PRKG1: variants seen among roughly 807,000 people sequenced by gnomAD.
PRKG1 encodes the protein protein kinase cGMP-dependent 1.
A neutral mutation model predicts 88.1 loss-of-function variants in PRKG1; 35 were observed. The observed-to-expected ratio is 0.40, with a 90% confidence interval of 0.30 to 0.53. PRKG1 has a LOEUF of 0.53. Among genes scored for constraint, PRKG1 ranks in the 20% least tolerant of loss-of-function variants. The pLI is 0.59. For missense variants in PRKG1, 540 were observed against 839.8 expected (o/e 0.64, Z 4.41); for synonymous variants, 303 against 292.5 (o/e 1.04, Z -0.37).
intron 4 of PRKG1, among the ~76,000 whole-genome samples, chr10:51,820,331 ACT>A (rs1252741863): frequency 6.6e-6 from 1 of 152,108 alleles, no homozygotes; most frequent in East Asian, 1.9e-4. Context: ...GCCACCATCT[ACT>A]TCTTTTTCTC....
In PRKG1 at chr10:51,442,017, G is replaced by A. The variant is rs1050042886; in HGVS notation, c.479-25706G>A. Among the ~76,000 whole-genome samples, 7 of 151,646 alleles carry A rather than the reference G, an allele frequency of 4.6e-5. No homozygotes were observed. The East Asian group carries it at 5.8e-4, about 13-fold the overall frequency. ...ATATTCTTCCAAGTTTAAGTTATCC[G>A]GAGTTATTTATAGCAAAAATGTGGG... On this transcript the variant is annotated intron_variant, in intron 2 of 17. Coordinates refer to ENST00000373980, the MANE Select transcript of PRKG1 (RefSeq NM_006258.4).
intron 3 of PRKG1, among the ~76,000 whole-genome samples, chr10:51,504,854 G>A (rs1288986810): frequency 6.6e-6 from 1 of 152,146 alleles, no homozygotes; most frequent in East Asian, 1.9e-4. Context: ...TTGCTTATCA[G>A]CCTAAGGAGA....
chr10:51,750,420 C>T (rs183706330), intron 3 of PRKG1, among the ~76,000 whole-genome samples: 3 of 152,202 alleles, frequency 2.0e-5, no homozygotes, highest in Non-Finnish European at 4.4e-5. Flanking sequence ...TTTGCCTTTA[C>T]GGACATGTGT....
chr10:51,830,601 G>A (rs1222697163), intron 4 of PRKG1, among the ~76,000 whole-genome samples: 3 of 136,716 alleles, frequency 2.2e-5, no homozygotes, highest in South Asian at 2.3e-4. Flanking sequence ...TCACTCTGTC[G>A]GCCAGGCTGG....
intron 2 of PRKG1, among the ~76,000 whole-genome samples, chr10:51,273,480 C>T (rs772679402): frequency 1.4e-4 from 22 of 152,166 alleles, no homozygotes; most frequent in South Asian, 2.1e-4. Context: ...GCCATGATCG[C>T]GCCACTGGGT....
rs138323833 is a variant in PRKG1 at position 52,241,478 on chromosome 10, T to C, written c.1077-10092T>C. Reference sequence around the variant, plus strand: ...GGGCTAGCTTCCTGATAATTTCTTTTGTTATACTCCTAGAGGCCATGGAGG... The same window carrying C: ...GGGCTAGCTTCCTGATAATTTCTTTCGTTATACTCCTAGAGGCCATGGAGG... On this transcript the variant is annotated intron_variant, in intron 9 of 17. Transcript: ENST00000373980. 2.6e-3 allele frequency among the ~76,000 whole-genome samples: 403 copies of C among 152,320 alleles called. 1 individual carries two copies. Among genetic ancestry groups the C allele is most frequent in the African/African-American group, 9.3e-3 (385 of 41,560 alleles).
At chr10:52,073,816 G>A (rs746716946) in intron 7 of PRKG1, among the ~76,000 whole-genome samples, 7 of 152,148 alleles carry the variant, frequency 4.6e-5, no homozygotes, top group Non-Finnish European at 1.0e-4. Context: ...ACTGTATCCT[G>A]ATTTTAGAGA....
At chr10:51,342,376 C>T (rs1019598599) in intron 2 of PRKG1, among the ~76,000 whole-genome samples, 1 of 152,056 alleles carries the variant, frequency 6.6e-6, no homozygotes, top group Non-Finnish European at 1.5e-5. Flanking sequence ...AATTTTTTTT[C>T]ACCTCCTTAT....
chr10:51,930,661 T>C (rs1842675521), intron 5 of PRKG1, among the ~76,000 whole-genome samples: 1 of 151,926 alleles, frequency 6.6e-6, no homozygotes, highest in African/African-American at 2.4e-5. Context: ...CAGCTAGTTT[T>C]TGTATTTTTA....
chr10:51,592,621 A>G (rs1287693850), intron 3 of PRKG1, among the ~76,000 whole-genome samples: 1 of 152,156 alleles, frequency 6.6e-6, no homozygotes, highest in Non-Finnish European at 1.5e-5. Flanking sequence ...GACACCATAC[A>G]TTCATAAATA....
chr10:52,186,513 T>C (rs567673572), intron 9 of PRKG1, among the ~76,000 whole-genome samples: 21 of 152,212 alleles, frequency 1.4e-4, no homozygotes, highest in Middle Eastern at 6.8e-3. Flanking sequence ...CTACCAACGC[T>C]GGGAATCACA....
At chr10:51,052,811 T>A (rs1420142696) in intron 1 of PRKG1, among the ~76,000 whole-genome samples, 1 of 152,244 alleles carries the variant, frequency 6.6e-6, no homozygotes, top group Non-Finnish European at 1.5e-5. Context: ...TTTAGCATTT[T>A]GCCTGTCATG....
intron 2 of PRKG1, among the ~76,000 whole-genome samples, chr10:51,373,153 T>C (rs1473842631): frequency 6.6e-6 from 1 of 152,204 alleles, no homozygotes; most frequent in East Asian, 1.9e-4. Context: ...AAAATAGAGA[T>C]TCTAGACTTC....
At chr10:51,174,295 G>T (rs937006720) in intron 2 of PRKG1, among the ~76,000 whole-genome samples, 1 of 151,886 alleles carries the variant, frequency 6.6e-6, no homozygotes. Flanking sequence ...ATGCCTTCCT[G>T]CAAGGGTGCT....
chr10:51,144,729 T>C (rs926426036), intron 1 of PRKG1, among the ~76,000 whole-genome samples: 6 of 152,238 alleles, frequency 3.9e-5, no homozygotes, highest in African/African-American at 1.4e-4. Flanking sequence ...CGCAAAACAA[T>C]GGTTGGAGGT....
Position 52,001,919 on chromosome 10 carries a change from C to T in PRKG1, c.763-52565C>T, listed in dbSNP as rs1489446014. Among the ~76,000 whole-genome samples, 4 of 152,008 alleles carry T rather than the reference C, an allele frequency of 2.6e-5. No homozygotes were observed. In the East Asian group the frequency reaches 7.7e-4, roughly 29 times the overall value. On this transcript the variant is annotated intron_variant, in intron 5 of 17. Transcript: ENST00000373980. ...ATCTAGAGTAAATGGTTACACAAAA[C>T]ACATGTGAAGTTGGGGCTGATTCTC... is the stretch of plus-strand genomic sequence containing the variant.
chr10:51,261,005 G>A (rs185734599), intron 2 of PRKG1, among the ~76,000 whole-genome samples: 3 of 152,252 alleles, frequency 2.0e-5, no homozygotes, highest in Admixed American at 6.5e-5. Context: ...GCATATATAA[G>A]CGTGATGTGG....
chr10:52,245,795 T>G (rs1236357622), intron 9 of PRKG1, among the ~76,000 whole-genome samples: 1 of 146,748 alleles, frequency 6.8e-6, no homozygotes, highest in Non-Finnish European at 1.5e-5. Context: ...ATTTATTTAT[T>G]TATTTATTTG....
intron 4 of PRKG1, among the ~76,000 whole-genome samples, chr10:51,890,796 A>C (rs1841700627): frequency 6.6e-6 from 1 of 152,150 alleles, no homozygotes. Context: ...TCTCTACTAA[A>C]AATACAAAAA....
Sources: allele counts gnomAD v4.1 joint callset (sites outside exome capture counted in the v4.1 genomes callset), GRCh38; gene constraint gnomAD v4.1.1; transcripts MANE v1.5; gene names NCBI Gene and HGNC (gene_info 2026-07-23, HGNC 2026-07-21).